The following SYNJ1 variants were observed in gnomAD, a reference collection of about 807,000 sequenced individuals.
The protein encoded by SYNJ1 is polyphosphatidylinositol phosphatase SYNJ1.
SYNJ1 carries 78 observed loss-of-function variants against 168.2 expected under a neutral mutation model. The observed-to-expected ratio is 0.46, with a 90% confidence interval of 0.39 to 0.56. The LOEUF is 0.56. Among genes scored for constraint, SYNJ1 ranks in the 20% least tolerant of loss-of-function variants. The pLI, the probability that SYNJ1 is intolerant of heterozygous loss-of-function variation, is 0.00. For synonymous variants in SYNJ1, 539 were observed against 548.6 expected (o/e 0.98, Z 0.24); for missense variants, 1,303 against 1,597.6 (o/e 0.82, Z 3.14).
chr21:32,670,934 G>A (rs1483553089), intron 14 of SYNJ1: 4 of 523,190 alleles, frequency 7.6e-6, no homozygotes, highest in African/African-American at 4.1e-5. Flanking sequence ...AGGACTAACG[G>A]AGAACAGAGC....
intron 18 of SYNJ1, among the ~76,000 whole-genome samples, chr21:32,664,698 A>AAT (rs2040855107): frequency 6.6e-6 from 1 of 152,140 alleles, no homozygotes; most frequent in Admixed American, 6.6e-5. Context: ...CAGCTGAATA[A>AAT]AGCCCTTTCC....
rs1023509332 is a variant in SYNJ1, at chr21:32,701,883, A to G, written c.211+78T>C. 6 of 1,051,794 alleles carry G rather than the reference A, an allele frequency of 5.7e-6. No individual in the cohort carries two copies. In the East Asian group the frequency reaches 1.2e-4, roughly 21 times the overall value. The allele number at this position is 1,051,794 out of a possible 1,614,324, so 65.2% of individuals were successfully genotyped here. ...AAATATGGAGTCTACAATAATTCATAGCTAGTCCCTCTCAAATCCTTAGAA... is the reference window on the plus strand; with the variant it reads ...AAATATGGAGTCTACAATAATTCATGGCTAGTCCCTCTCAAATCCTTAGAA... On this transcript the variant is annotated intron_variant, in intron 3 of 32. Transcript: ENST00000674351.
At chr21:32,713,943 G>A (rs2042931114) in intron 2 of SYNJ1, among the ~76,000 whole-genome samples, 1 of 152,216 alleles carries the variant, frequency 6.6e-6, no homozygotes, top group African/African-American at 2.4e-5. Context: ...AACTGGGAAG[G>A]AGCATGAGGG....
intron 1 of SYNJ1, 53 bp from the exon 2 acceptor site, chr21:32,726,970 CAAGGACTGCA>C (rs1191666238): frequency 6.3e-7 from 1 of 1,588,910 alleles, no homozygotes; most frequent in Non-Finnish European, 8.6e-7. Flanking sequence ...CCTTCTGCAG[CAAGGACTGCA>C]AAGCATCCAA....
At chr21:32,655,746 C>T (rs981210835) in intron 21 of SYNJ1, among the ~76,000 whole-genome samples, 17 of 152,252 alleles carry the variant, frequency 1.1e-4, no homozygotes, top group African/African-American at 3.6e-4. Context: ...TTTAATGGTA[C>T]CTCTTTCCCT....
chr21:32,728,262 C>T, upstream of SYNJ1: 1 of 547,790 alleles, frequency 1.8e-6, no homozygotes, highest in Non-Finnish European at 3.1e-6. Context: ...CTCCTTGGTC[C>T]TTTTGCGTGG....
At chr21:32,718,661 TAA>T (rs906195823) in intron 2 of SYNJ1, among the ~76,000 whole-genome samples, 3 of 142,164 alleles carry the variant, frequency 2.1e-5, no homozygotes. Flanking sequence ...GTTTGGCAAT[TAA>T]AAAAAAAAAA....
intron 2 of SYNJ1, among the ~76,000 whole-genome samples, chr21:32,713,076 C>A (rs1322230156): frequency 6.6e-6 from 1 of 152,240 alleles, no homozygotes; most frequent in Non-Finnish European, 1.5e-5. Flanking sequence ...ATGGACTACA[C>A]TGCAACAAAT....
chr21:32,722,203 AAAATATAT>A (rs1360354250), intron 2 of SYNJ1, among the ~76,000 whole-genome samples: 7,175 of 88,286 alleles, frequency 0.081, 189 homozygotes, highest in Non-Finnish European at 0.1. Flanking sequence ...AAAAAAAAAA[AAAATATAT>A]ATATATATAT....
intron 15 of SYNJ1, among the ~76,000 whole-genome samples, chr21:32,668,314 T>C (rs1014825896): frequency 2.0e-5 from 3 of 152,124 alleles, no homozygotes; most frequent in Non-Finnish European, 4.4e-5. Flanking sequence ...GTGATCCACC[T>C]GCCTTGGCCT....
chr21:32,658,898 C>T (rs960474798), intron 18 of SYNJ1, among the ~76,000 whole-genome samples: 2 of 152,172 alleles, frequency 1.3e-5, no homozygotes, highest in Non-Finnish European at 2.9e-5. Context: ...ATTAAACTAA[C>T]TACATGAATA....
intron 2 of SYNJ1, among the ~76,000 whole-genome samples, chr21:32,715,047 A>G (rs1482316930): frequency 6.6e-6 from 1 of 152,236 alleles, no homozygotes; most frequent in Non-Finnish European, 1.5e-5. Context: ...TCTCTAAGAG[A>G]ATTGATAAAA....
At chr21:32,646,368 C>A (rs755069319) in intron 24 of SYNJ1, 25 bp downstream of exon 24, 14 of 1,606,574 alleles carry the variant, frequency 8.7e-6, no homozygotes, top group Non-Finnish European at 8.5e-6. Flanking sequence ...GGAAGCCATA[C>A]AAAACTTTCA....
intron 2 of SYNJ1, among the ~76,000 whole-genome samples, chr21:32,716,986 G>A (rs1415838339): frequency 6.6e-6 from 1 of 151,152 alleles, no homozygotes; most frequent in African/African-American, 2.4e-5. Flanking sequence ...TAGAGACGGA[G>A]TCTTGCTCTG....
chr21:32,678,269 T>C (rs1210396629), intron 12 of SYNJ1, among the ~76,000 whole-genome samples: 1 of 152,184 alleles, frequency 6.6e-6, no homozygotes, highest in Non-Finnish European at 1.5e-5. Context: ...ATAACCAATA[T>C]AGGCATTAGT....
chr21:32,684,820 C>G (rs1472450784), intron 9 of SYNJ1, among the ~76,000 whole-genome samples: 2 of 152,164 alleles, frequency 1.3e-5, no homozygotes, highest in Admixed American at 6.5e-5. Context: ...AATTATGAGA[C>G]TTGCAGCAGA....
intron 18 of SYNJ1, among the ~76,000 whole-genome samples, chr21:32,663,152 G>A (rs542234218): frequency 5.9e-5 from 9 of 152,302 alleles, no homozygotes; most frequent in African/African-American, 1.9e-4. Context: ...CAATGGCCAC[G>A]AGAAGCCCGA....
intron 23 of SYNJ1, among the ~76,000 whole-genome samples, chr21:32,647,791 A>C (rs2040129949): frequency 6.6e-6 from 1 of 151,992 alleles, no homozygotes; most frequent in Non-Finnish European, 1.5e-5. Flanking sequence ...GCTAAAGAAA[A>C]CCACCCAGTC....
chr21:32,718,400 C>T (rs973817881), intron 2 of SYNJ1, among the ~76,000 whole-genome samples: 13 of 152,178 alleles, frequency 8.5e-5, no homozygotes, highest in African/African-American at 1.4e-4. Context: ...CTATTAAATA[C>T]GTACATTCCT....
Sources: allele counts gnomAD v4.1 joint callset (sites outside exome capture counted in the v4.1 genomes callset), GRCh38; gene constraint gnomAD v4.1.1; transcripts MANE v1.5; gene names NCBI Gene and HGNC (gene_info 2026-07-23, HGNC 2026-07-21).